The following VCP variants were observed in gnomAD, a reference collection of about 807,000 sequenced individuals.
VCP encodes the protein transitional endoplasmic reticulum ATPase.
VCP carries 6 observed loss-of-function variants against 85.7 expected under a neutral mutation model. That is an observed-to-expected ratio of 0.07 (90% CI 0.04 to 0.14). VCP has a LOEUF of 0.14. Among genes scored for constraint, VCP ranks in the 10% least tolerant of loss-of-function variants. VCP has a pLI of 1.00. For missense variants in VCP, 353 were observed against 1,043.4 expected (o/e 0.34, Z 9.12); for synonymous variants, 384 against 367.1 (o/e 1.05, Z -0.53).
At chr9:35,071,892 G>T (rs1272133337) in intron 1 of VCP, 1 of 998,422 alleles carries the variant, frequency 1.0e-6, no homozygotes, top group South Asian at 4.2e-5. Context: ...CACGCCCACC[G>T]GGCCCGGCTG....
At chr9:35,062,462 G>A in intron 7 of VCP, 112 bp from the exon 8 acceptor site, 3 of 1,526,676 alleles carry the variant, frequency 2.0e-6, no homozygotes, top group Non-Finnish European at 2.7e-6. Flanking sequence ...GTGAGAAGGT[G>A]GTAACCTCTG....
intron 4 of VCP, 91 bp downstream of exon 4, chr9:35,066,584 A>T: frequency 6.9e-7 from 1 of 1,457,172 alleles, no homozygotes; most frequent in Non-Finnish European, 9.2e-7. Context: ...AAAAGATTTA[A>T]AAAAAAAAAA....
At position 35,059,992 on chromosome 9, in the gene VCP, T is replaced by C; in HGVS notation, c.1696-191A>G. 1.4e-6 allele frequency: 1 copy of C among 735,410 alleles called. No homozygotes were observed. Among genetic ancestry groups the C allele is most frequent in the Non-Finnish European group, 2.2e-6 (1 of 454,792 alleles). The allele number at this position is 735,410 out of a possible 1,614,324, so 45.6% of individuals were successfully genotyped here. ...TACAAAAAATAAAAAATTAGCCAGA[T>C]GTGGTGACGCATGCCTATAGTCCCA... is the stretch of plus-strand genomic sequence containing the variant. On this transcript the variant is annotated intron_variant, in intron 13 of 16. Transcript: ENST00000358901. This position sits in a 1 kb window ranked among gnomAD's most constrained non-coding sequence, Gnocchi z 4.9.
rs777887584 is a variant in VCP, at chr9:35,057,150, G to A, written c.2388C>T (p.Tyr796=). The part of the protein sequence containing the change: ...GSGGGTGGSV[Y]TEDNDDDLYG ...ACAGGTCATCATCATTGTCTTCTGT[G>A]TATACACTGCCACCTGTGCCGCCTC... The change falls in exon 17 of 17, where the codon TAC becomes TAT. Residue 796 remains tyrosine, a synonymous_variant. Coordinates refer to ENST00000358901, the MANE Select transcript of VCP (RefSeq NM_007126.5). 4 of 1,614,046 alleles carry A rather than the reference G, an allele frequency of 2.5e-6. No homozygotes were observed. The African/African-American group carries it at 5.3e-5, about 22-fold the overall frequency.
At chr9:35,063,137 G>A in intron 6 of VCP, 57 bp from the exon 7 acceptor site, 3 of 1,502,742 alleles carry the variant, frequency 2.0e-6, no homozygotes, top group Non-Finnish European at 2.8e-6. Flanking sequence ...CCCTAAAATG[G>A]CTTGACTAGC....
At position 35,065,158 on chromosome 9, in the gene VCP, G is replaced by A. The variant is rs1012191714; in HGVS notation, c.576+93C>T. On this transcript the variant is annotated intron_variant, in intron 5 of 16. Coordinates refer to ENST00000358901, the MANE Select transcript of VCP (RefSeq NM_007126.5). ...ACTGGGATTACAGGTGTCAGCCACCGCAGCCGGCCGAGCACCCAGTCCTGA... is the reference window on the plus strand; with the variant it reads ...ACTGGGATTACAGGTGTCAGCCACCACAGCCGGCCGAGCACCCAGTCCTGA... The A allele has an allele frequency of 1.3e-5, 20 of 1,589,938 alleles. No individual in the cohort carries two copies. In the African/African-American group the frequency reaches 1.6e-4, roughly 13 times the overall value.
At chr9:35,067,718 G>C (rs932716795) in intron 3 of VCP, among the ~76,000 whole-genome samples, 173 bp downstream of exon 3, 4 of 152,134 alleles carry the variant, frequency 2.6e-5, no homozygotes, top group Non-Finnish European at 5.9e-5. Context: ...GTCCCAGGGA[G>C]GCAGAACCAA....
intron 6 of VCP, 129 bp from the exon 7 acceptor site, chr9:35,063,209 GT>G: frequency 1.3e-6 from 1 of 797,156 alleles, no homozygotes; most frequent in Non-Finnish European, 2.1e-6. Context: ...GCCCTCCGCA[GT>G]AAATGCTAAG....
At chr9:35,060,691 C>T (rs12004343) in intron 12 of VCP, 110 bp downstream of exon 12, 2 of 1,589,498 alleles carry the variant, frequency 1.3e-6, no homozygotes, top group Non-Finnish European at 1.7e-6. Flanking sequence ...CAGTAGGTTC[C>T]TAAGTCGTGC....
intron 3 of VCP, 46 bp from the exon 4 acceptor site, chr9:35,066,863 C>T: frequency 6.2e-7 from 1 of 1,613,176 alleles, no homozygotes; most frequent in Non-Finnish European, 8.5e-7. Flanking sequence ...CACTTCGGGC[C>T]CAAGCACTGG....
rs757560700 is a variant in VCP, at chr9:35,065,388, G to C, written c.446-7C>G. 5 of 1,614,094 alleles carry C rather than the reference G, an allele frequency of 3.1e-6. No homozygotes were observed. The Admixed American group carries it at 5.0e-5, about 16-fold the overall frequency. The stretch of plus-strand genomic sequence containing the variant: ...CGGACAAGAAAAATGTCTCCTGCGA[G>C]AGCAAACAGTACAAGCACAGTTAGA... On this transcript the variant is annotated splice_region_variant and splice_polypyrimidine_tract_variant and intron_variant, in intron 4 of 16. Coordinates refer to ENST00000358901, the MANE Select transcript of VCP (RefSeq NM_007126.5).
chr9:35,064,343 G>T, intron 5 of VCP, 58 bp from the exon 6 acceptor site: 1 of 1,606,108 alleles, frequency 6.2e-7, no homozygotes. Context: ...AGCAAAAGCT[G>T]AGTTTCTCTA....
At chr9:35,067,707 A>G (rs1828860066) in intron 3 of VCP, among the ~76,000 whole-genome samples, 184 bp downstream of exon 3, 1 of 152,208 alleles carries the variant, frequency 6.6e-6, no homozygotes, top group Non-Finnish European at 1.5e-5. Flanking sequence ...TGGATTTTGA[A>G]GTCCCAGGGA....
chr9:35,058,021 T>C (rs1482230595), intron 15 of VCP, among the ~76,000 whole-genome samples: 2 of 152,214 alleles, frequency 1.3e-5, no homozygotes, highest in Non-Finnish European at 2.9e-5. Context: ...CAGTGACATA[T>C]ATACTCTTAA....
In VCP at chr9:35,072,432, C is replaced by T. The variant is rs1828978454; in HGVS notation, c.-79G>A. On this transcript the variant is annotated 5_prime_UTR_variant, in exon 1 of 17. Coordinates refer to ENST00000358901, the MANE Select transcript of VCP (RefSeq NM_007126.5). ...AGCGGTGGCAAGCGACCGACTGGGC[C>T]GGGGCTCGGCTCTTCCAGGCGGTGG... is the stretch of plus-strand genomic sequence containing the variant. 10 of 1,409,156 alleles carry T rather than the reference C, an allele frequency of 7.1e-6. No individual in the cohort carries two copies. Among genetic ancestry groups the T allele is most frequent in the Non-Finnish European group, 9.2e-6 (10 of 1,084,422 alleles). 87.3% of individuals were successfully genotyped at this position (1,409,156 alleles called of 1,614,324 possible).
chr9:35,070,485 G>C (rs866573376), intron 1 of VCP, among the ~76,000 whole-genome samples: 4 of 152,158 alleles, frequency 2.6e-5, no homozygotes, highest in South Asian at 2.1e-4. Flanking sequence ...CCAGGCTGGA[G>C]TGCAGTGGCG....
chr9:35,058,957 A>G, intron 15 of VCP, 107 bp downstream of exon 15: 1 of 1,483,640 alleles, frequency 6.7e-7, no homozygotes, highest in Non-Finnish European at 9.3e-7. Flanking sequence ...AATTCTTCTC[A>G]GTTAGATGAT....
At position 35,060,451 on chromosome 9, in the gene VCP, A is replaced by C; in HGVS notation, c.1557T>G (p.Pro519=). Residue 519 remains proline (P), a synonymous_variant, in exon 13 of 17, where the codon CCT becomes CCG. Transcript: ENST00000358901. The part of the protein sequence containing the change: ...TPSKGVLFYG[P]PGCGKTLLAK... ...CCAACAAAGTTTTCCCACAGCCAGGAGGTCCATAGAACAGAACTCCCTTGG... is the reference window on the plus strand; with the variant it reads ...CCAACAAAGTTTTCCCACAGCCAGGCGGTCCATAGAACAGAACTCCCTTGG... 1 of 1,614,260 alleles carries C rather than the reference A, an allele frequency of 6.2e-7. No individual in the cohort carries two copies. Among genetic ancestry groups the C allele is most frequent in the Non-Finnish European group, 8.5e-7 (1 of 1,180,050 alleles).
At chr9:35,061,298 T>G in intron 10 of VCP, 119 bp from the exon 11 acceptor site, 1 of 1,360,376 alleles carries the variant, frequency 7.4e-7, no homozygotes, top group East Asian at 2.4e-5. Flanking sequence ...TCCTTGAATA[T>G]ATACTATCAA....
Sources: allele counts gnomAD v4.1 joint callset (sites outside exome capture counted in the v4.1 genomes callset), GRCh38; gene constraint gnomAD v4.1.1; non-coding constraint Gnocchi (gnomAD v3.1); transcripts MANE v1.5; gene names NCBI Gene and HGNC (gene_info 2026-07-23, HGNC 2026-07-21).